TMEM144: variants seen among roughly 807,000 people sequenced by gnomAD.
TMEM144 encodes the protein transmembrane protein 144.
A neutral mutation model predicts 43.6 loss-of-function variants in TMEM144; 39 were observed. The ratio of observed to expected loss-of-function variants is 0.90; its 90% CI spans 0.69 to 1.17. The LOEUF is 1.17. Ranked by LOEUF, TMEM144 falls within the 50% of genes most tolerant of loss-of-function variation. The pLI, the probability that TMEM144 is intolerant of heterozygous loss-of-function variation, is 0.00. For synonymous variants in TMEM144, 154 were observed against 133.6 expected, an observed-to-expected ratio of 1.15 and a Z score of -1.06; for missense variants, 417 against 411.9, an observed-to-expected ratio of 1.01 and a Z score of -0.11.
chr4:158,232,919 C>T lies in TMEM144; in HGVS notation c.432C>T (p.Phe144=). The change falls in exon 7 of 13, where the codon TTC becomes TTT. Residue 144 remains phenylalanine, a synonymous_variant. Transcript: ENST00000296529. ...CTTACAGTGCTTTCATATTTTTGTT[C>T]ATCAAAAGTGAAATACCAAATAACA... ...LSVVSAFIFL[F]IKSEIPNNTC... 2 of 1,610,112 alleles carry T rather than the reference C, an allele frequency of 1.2e-6. No homozygotes were observed. Among genetic ancestry groups the T allele is most frequent in the South Asian group, 2.2e-5 (2 of 90,316 alleles).
chr4:158,230,027 C>T (rs28369661), intron 6 of TMEM144, among the ~76,000 whole-genome samples: 102,592 of 152,086 alleles, frequency 0.67, 34,847 homozygotes, highest in East Asian at 0.82. Flanking sequence ...CCCCTCCCTT[C>T]GGGAGCTCAG....
chr4:158,237,731 G>A lies in TMEM144; in HGVS notation c.682+88G>A, dbSNP rs540288554. 34 of 906,488 alleles carry A rather than the reference G, an allele frequency of 3.8e-5. No individual in the cohort carries two copies. The African/African-American group carries it at 3.9e-4, about 10-fold the overall frequency. The allele number at this position is 906,488 out of a possible 1,614,324, so 56.2% of individuals were successfully genotyped here. ...TGATAATAGTAAATATTGATGGGTC[G>A]ATTCGATCTTTCTTTGTCCTTGTAA... On this transcript the variant is annotated intron_variant, in intron 9 of 12. Coordinates refer to ENST00000296529, the MANE Select transcript of TMEM144 (RefSeq NM_018342.5).
At chr4:158,244,254 G>A (rs754187010) in intron 11 of TMEM144, 42 bp from the exon 12 acceptor site, 251 of 1,414,078 alleles carry the variant, frequency 1.8e-4, no homozygotes, top group Non-Finnish European at 2.3e-4. Flanking sequence ...TCTAGTCATA[G>A]GTAAATATCC....
Position 158,254,938 on chromosome 4 carries a change from T to C in TMEM144, c.*1411T>C, listed in dbSNP as rs949138412. 1.1e-4 allele frequency: 17 copies of C among 152,188 alleles called. No homozygotes were observed. The highest frequency in any genetic ancestry group is 4.1e-4 in the African/African-American group (17 of 41,466). The allele number at this position is 152,188 out of a possible 1,614,324, so 9.4% of individuals were successfully genotyped here. On this transcript the variant is annotated 3_prime_UTR_variant, in exon 13 of 13. Coordinates refer to ENST00000296529, the MANE Select transcript of TMEM144 (RefSeq NM_018342.5). ...GATGGCATCTACCTCACATGGTTAT[T>C]GTGTGGTTGAAATTAGTTCAAATCT...
chr4:158,232,980 C>G lies in TMEM144; in HGVS notation c.493C>G (p.His165Asp). Reference sequence around the variant, plus strand: ...GGATACCACTCCATTAATAACAGAGCATGTGAGTATAGTATGAGAGACAAC... The same window carrying G: ...GGATACCACTCCATTAATAACAGAGGATGTGAGTATAGTATGAGAGACAAC... ...SMDTTPLITE[H>D]VINTTQDPCS... The change falls in exon 7 of 13, where the codon CAT becomes GAT. Residue 165 changes from histidine to aspartate, a missense_variant and splice_region_variant. Physicochemically the swap from His to Asp is moderately conservative, Grantham distance 81 (BLOSUM62 -1). Coordinates refer to ENST00000296529, the MANE Select transcript of TMEM144 (RefSeq NM_018342.5). The G allele has an allele frequency of 6.2e-7, 1 of 1,602,720 alleles. No individual in the cohort carries two copies. Among genetic ancestry groups the G allele is most frequent in the East Asian group, 2.2e-5 (1 of 44,694 alleles).
At position 158,210,564 on chromosome 4, in the gene TMEM144, T is replaced by G. The variant is rs1472865334; in HGVS notation, c.-205T>G. The stretch of plus-strand genomic sequence containing the variant: ...GCGCCGGCGCTGAGTAGGAAGGAGC[T>G]TCAGCCGCCAGCCCGGAACGCAGTG... On this transcript the variant is annotated 5_prime_UTR_variant, in exon 1 of 13. Coordinates refer to ENST00000296529, the MANE Select transcript of TMEM144 (RefSeq NM_018342.5). The G allele has an allele frequency of 6.6e-6, 1 of 152,250 alleles. No individual in the cohort carries two copies. Among genetic ancestry groups the G allele is most frequent in the African/African-American group, 2.4e-5 (1 of 41,462 alleles). 9.4% of individuals were successfully genotyped at this position (152,250 alleles called of 1,614,324 possible).
intron 9 of TMEM144, among the ~76,000 whole-genome samples, chr4:158,238,305 T>C (rs1316676080): frequency 6.6e-6 from 1 of 152,194 alleles, no homozygotes; most frequent in African/African-American, 2.4e-5. Flanking sequence ...AGAAAATTAA[T>C]GTGACCTCTG....
Position 158,254,748 on chromosome 4 carries a change from T to C in TMEM144, c.*1221T>C, listed in dbSNP as rs1390159942. 1.3e-5 allele frequency: 2 copies of C among 152,224 alleles called. No individual in the cohort carries two copies. The highest frequency in any genetic ancestry group is 2.9e-5 in the Non-Finnish European group (2 of 68,036). The allele number at this position is 152,224 out of a possible 1,614,324, so 9.4% of individuals were successfully genotyped here. A position where few individuals can be genotyped will look rare whatever the true frequency, so the allele number is the denominator to read the frequency against. On this transcript the variant is annotated 3_prime_UTR_variant, in exon 13 of 13. Transcript: ENST00000296529. The stretch of plus-strand genomic sequence containing the variant: ...CATTCCCACCTGATAGTACTGTTTA[T>C]TACTTTGCTATGCAGGAGAAACAAA...
chr4:158,246,321 C>T (rs532004248), intron 12 of TMEM144, among the ~76,000 whole-genome samples: 1 of 152,246 alleles, frequency 6.6e-6, no homozygotes, highest in South Asian at 2.1e-4. Flanking sequence ...GCAAATAATT[C>T]CTGGTTCTAA....
At chr4:158,250,299 A>G (rs1008451280) in intron 12 of TMEM144, among the ~76,000 whole-genome samples, 4 of 151,214 alleles carry the variant, frequency 2.6e-5, no homozygotes, top group Non-Finnish European at 5.9e-5. Flanking sequence ...CAGTTTTCAC[A>G]TTCCCTCCAT....
rs760592337 is a variant in TMEM144 at position 158,240,317 on chromosome 4, C to T, written c.701C>T (p.Ala234Val). The T allele has an allele frequency of 1.1e-5, 18 of 1,611,862 alleles. No homozygotes were observed. Among genetic ancestry groups the T allele is most frequent in the Admixed American group, 3.4e-5 (2 of 59,482 alleles). ...ASQYDLDYVF[A>V]HFSGIFLTST... ...TTTTCAGATTTAGACTATGTGTTTGCGCACTTCAGTGGCATCTTTCTTACA... is the reference window on the plus strand; with the variant it reads ...TTTTCAGATTTAGACTATGTGTTTGTGCACTTCAGTGGCATCTTTCTTACA... The change falls in exon 10 of 13, where the codon GCG becomes GTG. Residue 234 changes from alanine to valine, a missense_variant. Physicochemically the swap from Ala to Val is moderately conservative, Grantham distance 64. Transcript: ENST00000296529.
intron 3 of TMEM144, 149 bp downstream of exon 3, chr4:158,212,925 C>A: frequency 1.4e-6 from 1 of 691,614 alleles, no homozygotes; most frequent in South Asian, 1.7e-5. Context: ...TGACAGTGCT[C>A]ATACCAGTTT....
At position 158,215,310 on chromosome 4, in the gene TMEM144, A is replaced by G; in HGVS notation, c.229A>G (p.Thr77Ala). 1 of 1,613,626 alleles carries G rather than the reference A, an allele frequency of 6.2e-7. No individual in the cohort carries two copies. The highest frequency in any genetic ancestry group is 8.5e-7 in the Non-Finnish European group (1 of 1,179,684). Residue 77 changes from threonine to alanine, a missense_variant, in exon 4 of 13, where the codon ACA becomes GCA. Physicochemically the swap from Thr to Ala is moderately conservative, Grantham distance 58. Transcript: ENST00000296529. ...FAMLGGCIWA[T>A]GNIAVVPIIK... ...AATGCTTGGGGGCTGCATTTGGGCA[A>G]CAGGTAATGTCTGATATAACTTATA... is the stretch of plus-strand genomic sequence containing the variant.
chr4:158,251,012 C>T (rs961333809), intron 12 of TMEM144, among the ~76,000 whole-genome samples: 9 of 152,218 alleles, frequency 5.9e-5, no homozygotes, highest in African/African-American at 1.9e-4. Context: ...AGGATACCAA[C>T]TGCTGCCTAG....
rs1735737026 is a variant in TMEM144 at position 158,243,738 on chromosome 4, T to C, written c.901-558T>C. On this transcript the variant is annotated intron_variant, in intron 11 of 12. Coordinates refer to ENST00000296529, the MANE Select transcript of TMEM144 (RefSeq NM_018342.5). ...GTTTTTCCTTACACGTTTATTTTAA[T>C]CTTCCCATAAACCTTTTTTTAGCAT... Among the ~76,000 whole-genome samples, 3 of 152,218 alleles carry C rather than the reference T, an allele frequency of 2.0e-5. No homozygotes were observed. The South Asian group carries it at 6.2e-4, about 32-fold the overall frequency.
At chr4:158,239,888 G>GTTT (rs777121804) in intron 9 of TMEM144, among the ~76,000 whole-genome samples, 1 of 139,410 alleles carries the variant, frequency 7.2e-6, no homozygotes, top group Non-Finnish European at 1.6e-5. Flanking sequence ...AATTAATGGG[G>GTTT]TTTTTTTTTT....
intron 5 of TMEM144, 34 bp from the exon 6 acceptor site, chr4:158,219,276 A>G (rs761810374): frequency 6.2e-7 from 1 of 1,607,174 alleles, no homozygotes; most frequent in South Asian, 1.1e-5. Context: ...CATCTTAACA[A>G]TATTTAATTT....
intron 9 of TMEM144, among the ~76,000 whole-genome samples, chr4:158,238,839 C>A (rs940749522): frequency 1.3e-5 from 2 of 152,156 alleles, no homozygotes; most frequent in African/African-American, 2.4e-5. Flanking sequence ...AATCTCCACA[C>A]AAAGAGAACA....
chr4:158,226,459 A>G (rs1002007419), intron 6 of TMEM144, among the ~76,000 whole-genome samples: 1 of 152,214 alleles, frequency 6.6e-6, no homozygotes, highest in Non-Finnish European at 1.5e-5. Flanking sequence ...ATGTTTACAC[A>G]TGGAATTTTC....
Sources: gnomAD v4.1 joint callset for allele counts (sites outside exome capture counted in the v4.1 genomes callset) on GRCh38, gnomAD v4.1.1 for gene constraint, MANE v1.5 for transcripts, NCBI Gene and HGNC (gene_info 2026-07-23, HGNC 2026-07-21) for gene names.